PTPRS: variants seen among roughly 807,000 people sequenced by gnomAD.
PTPRS encodes protein tyrosine phosphatase receptor type S.
A neutral mutation model predicts 215.3 loss-of-function variants in PTPRS; 63 were observed. The observed-to-expected ratio is 0.29, with a 90% CI of 0.24 to 0.36. PTPRS has a LOEUF of 0.36. Ranked by LOEUF, PTPRS falls within the 10% of genes least tolerant of loss-of-function variation. The pLI is 1.00. For synonymous variants in PTPRS, 1,404 were observed against 1,191.4 expected (o/e 1.18, Z -3.68); for missense variants, 2,258 against 2,825.8 (o/e 0.80, Z 4.56).
Position 5,293,328 on chromosome 19 carries a change from C to CG in PTPRS, c.-94-7095dup, listed in dbSNP as rs1183167811. The CG allele has an allele frequency of 1.6e-5, 1 of 60,786 alleles. No individual in the cohort carries two copies. The highest frequency in any genetic ancestry group is 3.4e-5 in the Non-Finnish European group (1 of 29,716). The allele number at this position is 60,786 out of a possible 1,614,324, so 3.8% of individuals were successfully genotyped here. A position where few individuals can be genotyped will look rare whatever the true frequency, so the allele number is the denominator to read the frequency against. ...CTGTAGGGGGCGGGGTTGCAGTGGG[C>CG]GGGGCTGCAGGGGACGGGCCCCGAG... On this transcript the variant is annotated intron_variant, in intron 1 of 37. Transcript: ENST00000262963. This position sits in a 1 kb window ranked among gnomAD's most constrained non-coding sequence, Gnocchi z 8.4.
chr19:5,253,814 C>T (rs986315773), intron 9 of PTPRS, among the ~76,000 whole-genome samples: 1 of 152,204 alleles, frequency 6.6e-6, no homozygotes, highest in African/African-American at 2.4e-5. Context: ...TTGCCCAGAT[C>T]ATTTGCTTGA....
chr19:5,244,495 G>C lies in PTPRS; in HGVS notation c.989-13C>G. On this transcript the variant is annotated splice_polypyrimidine_tract_variant and intron_variant, in intron 10 of 37. Transcript: ENST00000262963. The surrounding 1 kb of genome is among the most constrained non-coding windows in gnomAD (Gnocchi z 7.2). ...GCTTTGGGGAGAGCTGTGGGCAGGA[G>C]GCAGCTGTGTCACGCATTGGGCACA... 1 of 1,608,390 alleles carries C rather than the reference G, an allele frequency of 6.2e-7. No homozygotes were observed. Among genetic ancestry groups the C allele is most frequent in the Non-Finnish European group, 8.5e-7 (1 of 1,176,426 alleles).
chr19:5,216,058 T>A (rs180711419), intron 26 of PTPRS, among the ~76,000 whole-genome samples: 66 of 152,222 alleles, frequency 4.3e-4, no homozygotes, highest in African/African-American at 1.4e-3. Context: ...TTTCTGTCCC[T>A]CTGGGATCAG....
At chr19:5,278,635 C>A (rs550504181) in intron 2 of PTPRS, among the ~76,000 whole-genome samples, 1 of 151,326 alleles carries the variant, frequency 6.6e-6, no homozygotes, top group South Asian at 2.1e-4. Context: ...ACATCACGCC[C>A]GGCTAATTTT....
At chr19:5,313,940 AAATAATAATAAT>A (rs148699840) in intron 1 of PTPRS, among the ~76,000 whole-genome samples, 20 of 146,656 alleles carry the variant, frequency 1.4e-4, no homozygotes, top group Admixed American at 5.5e-4. Context: ...CTCTCTCCAC[AAATAATAATAAT>A]AATAATAATA....
rs1279241478 is a variant in PTPRS at position 5,244,565 on chromosome 19, C to T, written c.989-83G>A. 1.2e-5 allele frequency: 14 copies of T among 1,154,410 alleles called. No homozygotes were observed. Among genetic ancestry groups the T allele is most frequent in the Admixed American group, 4.4e-5 (2 of 45,238 alleles). The allele number at this position is 1,154,410 out of a possible 1,614,324, so 71.5% of individuals were successfully genotyped here. A position where few individuals can be genotyped will look rare whatever the true frequency, so the allele number is the denominator to read the frequency against. On this transcript the variant is annotated intron_variant, in intron 10 of 37. Transcript: ENST00000262963. The surrounding 1 kb of genome is among the most constrained non-coding windows in gnomAD (Gnocchi z 7.2). ...GCTGTGTGACTTTTCACCATTCAGT[C>T]GCCTTCTCTGAGCCTTGATTTGCCC... is the stretch of plus-strand genomic sequence containing the variant.
At chr19:5,215,739 G>C (rs1467797281) in intron 26 of PTPRS, 144 bp from the exon 27 acceptor site, 1 of 650,466 alleles carries the variant, frequency 1.5e-6, no homozygotes, top group East Asian at 2.7e-5. Flanking sequence ...TGGCAGGAGG[G>C]GAAGACTCAG....
chr19:5,219,404 C>T lies in PTPRS; in HGVS notation c.3829G>A (p.Val1277Met), dbSNP rs146012732. The stretch of plus-strand genomic sequence containing the variant: ...CAGATAAGCCCCTCCTCGCCATCCA[C>T]GATGGGCTGGGGGTCCGGGTTATCC... ...QLDNPDPQPI[V>M]DGEEGLIWVI... The change falls in exon 23 of 38, where the codon GTG becomes ATG. Residue 1277 changes from valine to methionine, a missense_variant. Coordinates refer to ENST00000262963, the MANE Select transcript of PTPRS (RefSeq NM_002850.4). 91 of 1,613,290 alleles carry T rather than the reference C, an allele frequency of 5.6e-5. No homozygotes were observed. The highest frequency in any genetic ancestry group is 8.0e-5 in the African/African-American group (6 of 74,890).
rs771818768 is a variant in PTPRS, at chr19:5,240,287, G to C, written c.1616C>G (p.Thr539Ser). Residue 539 changes from threonine to serine, a missense_variant, in exon 12 of 38, where the codon ACC becomes AGC. Physicochemically the swap from Thr to Ser is moderately conservative, Grantham distance 58 (BLOSUM62 1). Coordinates refer to ENST00000262963, the MANE Select transcript of PTPRS (RefSeq NM_002850.4). ...MNLRAEARSE[T>S]SITLSWSPPR... ...GGGGCTCCAGGACAGCGTGATGCTG[G>C]TCTCCGACCTGGCCTCGGCCCGCAG... The C allele has an allele frequency of 7.6e-5, 122 of 1,601,730 alleles. No homozygotes were observed. Among genetic ancestry groups the C allele is most frequent in the Non-Finnish European group, 9.7e-5 (114 of 1,175,574 alleles).
intron 1 of PTPRS, among the ~76,000 whole-genome samples, chr19:5,308,992 G>A (rs2049597845): frequency 6.6e-6 from 1 of 152,144 alleles, no homozygotes; most frequent in African/African-American, 2.4e-5. Flanking sequence ...TAGAAGTGGA[G>A]GATGCTCACC....
intron 4 of PTPRS, among the ~76,000 whole-genome samples, chr19:5,267,646 G>A (rs1225823273): frequency 2.4e-5 from 3 of 125,236 alleles, no homozygotes; most frequent in African/African-American, 3.1e-5. Flanking sequence ...GACAGAGCAA[G>A]ACTGTCTCAA....
chr19:5,293,526 G>A lies in PTPRS; in HGVS notation c.-94-7292C>T, dbSNP rs1386698619. On this transcript the variant is annotated intron_variant, in intron 1 of 37. Transcript: ENST00000262963. This position sits in a 1 kb window ranked among gnomAD's most constrained non-coding sequence, Gnocchi z 8.4. Reference sequence around the variant, plus strand: ...CCCCTCCCTCCCGAAGACGTCTCACGGGGAGCCTCTACACTGCTCCTCGCT... The same window carrying A: ...CCCCTCCCTCCCGAAGACGTCTCACAGGGAGCCTCTACACTGCTCCTCGCT... 1.3e-5 allele frequency among the ~76,000 whole-genome samples: 2 copies of A among 152,162 alleles called. No individual in the cohort carries two copies. The highest frequency in any genetic ancestry group is 3.9e-4 in the East Asian group (2 of 5,164).
intron 14 of PTPRS, among the ~76,000 whole-genome samples, chr19:5,230,914 T>C (rs2042957222): frequency 6.6e-6 from 1 of 152,186 alleles, no homozygotes; most frequent in Non-Finnish European, 1.5e-5. Flanking sequence ...ATTTACACCA[T>C]GGAAATTGGC....
intron 4 of PTPRS, among the ~76,000 whole-genome samples, chr19:5,272,015 C>CT (rs2046952652): frequency 6.6e-6 from 1 of 152,056 alleles, no homozygotes; most frequent in East Asian, 1.9e-4. Context: ...TGTTTGAGTC[C>CT]CTGTACTCAG....
intron 9 of PTPRS, among the ~76,000 whole-genome samples, chr19:5,247,345 G>A (rs2044593127): frequency 1.3e-5 from 2 of 152,050 alleles, no homozygotes; most frequent in African/African-American, 2.4e-5. Flanking sequence ...GATGCATTTC[G>A]GGGGCTCCGT....
rs773049266 is a variant in PTPRS at position 5,274,375 on chromosome 19, C to T, written c.92-31G>A. On this transcript the variant is annotated intron_variant, in intron 2 of 37. Transcript: ENST00000262963. ...GATACAGTGGAAAGAAGGGGGGGCG[C>T]TGATGGGTCCAGGCATCTGGCTAGG... The T allele has an allele frequency of 3.8e-5, 60 of 1,599,294 alleles. 2 individuals are homozygous for T. The South Asian group carries it at 5.8e-4, about 15-fold the overall frequency.
chr19:5,218,641 T>C (rs2041701810), intron 24 of PTPRS, 109 bp from the exon 25 acceptor site: 3 of 1,513,798 alleles, frequency 2.0e-6, no homozygotes, highest in Non-Finnish European at 2.8e-6. Flanking sequence ...TGGACCCGTA[T>C]GACTAGGGTT....
At chr19:5,282,309 C>T (rs1015709655) in intron 2 of PTPRS, among the ~76,000 whole-genome samples, 1 of 152,110 alleles carries the variant, frequency 6.6e-6, no homozygotes, top group Non-Finnish European at 1.5e-5. Context: ...CCCACTGAGT[C>T]CCCCGTTAGA....
At chr19:5,317,380 G>A (rs2049906213) in intron 1 of PTPRS, among the ~76,000 whole-genome samples, 1 of 152,192 alleles carries the variant, frequency 6.6e-6, no homozygotes, top group Non-Finnish European at 1.5e-5. Flanking sequence ...GCTGAGGCAG[G>A]AGAATCACTT....
Sources: gnomAD v4.1 joint callset for allele counts (sites outside exome capture counted in the v4.1 genomes callset) on GRCh38, gnomAD v4.1.1 for gene constraint, Gnocchi (gnomAD v3.1) non-coding constraint, MANE v1.5 for transcripts, NCBI Gene and HGNC (gene_info 2026-07-23, HGNC 2026-07-21) for gene names.